TSPAN7: variants seen among roughly 807,000 people sequenced by gnomAD.
TSPAN7 encodes tetraspanin 7.
In TSPAN7, 1 loss-of-function variant was observed where a neutral mutation model predicts 17.6. That is an observed-to-expected ratio of 0.06 (90% confidence interval 0.02 to 0.27). The LOEUF is 0.27. Among genes scored for constraint, TSPAN7 ranks in the 10% least tolerant of loss-of-function variants. The probability of loss-of-function intolerance (pLI) is 1.00; values close to 1 mark genes in which losing one functional copy is unlikely to be tolerated. For synonymous variants in TSPAN7, 78 were observed against 79.0 expected, an observed-to-expected ratio of 0.99 and a Z score of 0.07; for missense variants, 112 against 201.7, an observed-to-expected ratio of 0.56 and a Z score of 2.69.
At chrX:38,566,408 G>T in intron 1 of TSPAN7, 1 of 783,830 alleles carries the variant, frequency 1.3e-6, no homozygotes, top group Non-Finnish European at 1.6e-6. Flanking sequence ...CTTATAGTAG[G>T]TTTACTCACT....
At chrX:38,578,239 A>G (rs2069207752) in intron 1 of TSPAN7, among the ~76,000 whole-genome samples, 1 of 111,900 alleles carries the variant, frequency 8.9e-6, no homozygotes, top group Admixed American at 9.5e-5. Flanking sequence ...CAGTAAGCCC[A>G]GAGTTCTAAA....
intron 5 of TSPAN7, among the ~76,000 whole-genome samples, chrX:38,679,312 C>G (rs751078811): frequency 8.9e-6 from 1 of 112,131 alleles, no homozygotes; most frequent in Non-Finnish European, 1.9e-5. Flanking sequence ...TTTGAGCTTA[C>G]ATAACACTGG....
At chrX:38,655,364 G>C (rs901784634) in intron 1 of TSPAN7, among the ~76,000 whole-genome samples, 2 of 111,080 alleles carry the variant, frequency 1.8e-5, no homozygotes, top group African/African-American at 6.6e-5. Context: ...ATAGTACTCT[G>C]TCAATATTAG....
intron 1 of TSPAN7, among the ~76,000 whole-genome samples, chrX:38,597,523 C>A (rs751325909): frequency 1.8e-5 from 2 of 110,693 alleles, no homozygotes; most frequent in Non-Finnish European, 3.8e-5. Flanking sequence ...GTGTTGGCTG[C>A]GAGTTAATGA....
intron 1 of TSPAN7, among the ~76,000 whole-genome samples, chrX:38,624,612 C>A (rs2147425713): frequency 8.9e-6 from 1 of 112,222 alleles, no homozygotes; most frequent in East Asian, 2.8e-4. Context: ...TAACTAGAGC[C>A]TAAAGATTTA....
chrX:38,563,747 T>G (rs1218840426), intron 1 of TSPAN7, among the ~76,000 whole-genome samples: 1 of 111,717 alleles, frequency 9.0e-6, no homozygotes, highest in Non-Finnish European at 1.9e-5. Context: ...TTCAAGATTT[T>G]CATAGTCTTA....
At chrX:38,577,044 T>C (rs942997915) in intron 1 of TSPAN7, among the ~76,000 whole-genome samples, 5 of 111,425 alleles carry the variant, frequency 4.5e-5, no homozygotes, top group Non-Finnish European at 9.4e-5. Flanking sequence ...ACAATGGGAA[T>C]GAAGAATGGA....
chrX:38,583,850 A>G (rs1330392811), intron 1 of TSPAN7, among the ~76,000 whole-genome samples: 2 of 108,117 alleles, frequency 1.8e-5, no homozygotes, highest in Non-Finnish European at 3.8e-5. Flanking sequence ...GTTTGCTGTC[A>G]CTCTCCCTGC....
intron 6 of TSPAN7, among the ~76,000 whole-genome samples, chrX:38,685,520 T>C (rs2069922367): frequency 9.0e-6 from 1 of 111,600 alleles, no homozygotes; most frequent in South Asian, 3.8e-4. Flanking sequence ...CTCAGGAGGC[T>C]GAGGCAGGAG....
chrX:38,666,249 T>G lies in TSPAN7; in HGVS notation c.210T>G (p.Val70=). The G allele has an allele frequency of 1.7e-6, 2 of 1,212,078 alleles. No homozygotes were observed. The highest frequency in any genetic ancestry group is 2.2e-6 in the Non-Finnish European group (2 of 895,611). Residue 70 remains valine, a synonymous_variant, in exon 2 of 8, where the codon GTT becomes GTG. Transcript: ENST00000378482. ...TCATCGGAACTGGCACCACTATTGT[T>G]GTCTTTGGCCTGTTTGGATGCTTTG... ...YVLIGTGTTI[V]VFGLFGCFAT...
At position 38,688,036 on chromosome X, in the gene TSPAN7, A is replaced by G. The variant is rs1243215494; in HGVS notation, c.*105A>G. ...AATGTTAGAGCACAGTACATAATAC[A>G]CTTGCCCTGCTCCCTCTCCCCCTTA... On this transcript the variant is annotated 3_prime_UTR_variant, in exon 8 of 8. Coordinates refer to ENST00000378482, the MANE Select transcript of TSPAN7 (RefSeq NM_004615.4). The G allele has an allele frequency of 7.5e-6, 1 of 132,929 alleles. No individual in the cohort carries two copies. Among genetic ancestry groups the G allele is most frequent in the East Asian group, 2.0e-4 (1 of 4,911 alleles). The allele number at this position is 132,929 out of a possible 1,213,427, so 11.0% of individuals were successfully genotyped here.
intron 1 of TSPAN7, among the ~76,000 whole-genome samples, chrX:38,617,146 C>T (rs1307031209): frequency 1.8e-5 from 2 of 111,707 alleles, no homozygotes; most frequent in African/African-American, 6.5e-5. Flanking sequence ...GCATTCGGCC[C>T]GAGAGTGCTG....
At chrX:38,598,817 A>G (rs1427653904) in intron 1 of TSPAN7, among the ~76,000 whole-genome samples, 1 of 111,985 alleles carries the variant, frequency 8.9e-6, no homozygotes, top group Admixed American at 9.5e-5. Context: ...AAAATATGAA[A>G]AAAGGAAAGT....
intron 6 of TSPAN7, among the ~76,000 whole-genome samples, chrX:38,686,596 C>T (rs1339496149): frequency 2.7e-5 from 3 of 111,802 alleles, no homozygotes; most frequent in African/African-American, 9.8e-5. Flanking sequence ...CAGTTTATTC[C>T]CACCTCTGAT....
intron 6 of TSPAN7, among the ~76,000 whole-genome samples, chrX:38,686,774 G>A (rs1029942434): frequency 5.1e-4 from 57 of 111,989 alleles, no homozygotes; most frequent in African/African-American, 1.8e-3. Flanking sequence ...GTGCTTAAGG[G>A]TGTCTTGAGA....
At chrX:38,603,017 A>C (rs751996877) in intron 1 of TSPAN7, among the ~76,000 whole-genome samples, 2 of 112,428 alleles carry the variant, frequency 1.8e-5, no homozygotes, top group African/African-American at 6.4e-5. Context: ...AAACTTTTGC[A>C]AATCATATAT....
chrX:38,574,920 A>G (rs1264220559), intron 1 of TSPAN7, among the ~76,000 whole-genome samples: 1 of 110,549 alleles, frequency 9.0e-6, no homozygotes, highest in Non-Finnish European at 1.9e-5. Flanking sequence ...CTGTCGTCTA[A>G]TTAATAGAAT....
chrX:38,675,566 T>C (rs779573944), intron 4 of TSPAN7, 139 bp from the exon 5 acceptor site: 7 of 683,539 alleles, frequency 1.0e-5, no homozygotes, highest in Non-Finnish European at 1.6e-5. Flanking sequence ...GGAGCTTCCA[T>C]TCATCTTGAC....
At chrX:38,629,056 G>C (rs2069536745) in intron 1 of TSPAN7, among the ~76,000 whole-genome samples, 1 of 112,307 alleles carries the variant, frequency 8.9e-6, no homozygotes, top group African/African-American at 3.2e-5. Flanking sequence ...AGCCTTGTGA[G>C]TGATTTTAAA....
Sources: gnomAD v4.1 joint callset for allele counts (sites outside exome capture counted in the v4.1 genomes callset) on GRCh38, gnomAD v4.1.1 for gene constraint, MANE v1.5 for transcripts, NCBI Gene and HGNC (gene_info 2026-07-23, HGNC 2026-07-21) for gene names.